The following PCNX2 variants were observed in gnomAD, a reference collection of about 807,000 sequenced individuals.
PCNX2 encodes the protein pecanex-like protein 2.
A neutral mutation model predicts 223.8 loss-of-function variants in PCNX2; 168 were observed. That is an observed-to-expected ratio of 0.75 (90% CI 0.66 to 0.85). The LOEUF is 0.85. Ranked by LOEUF, PCNX2 falls within the 40% of genes least tolerant of loss-of-function variation. PCNX2 has a pLI of 0.00. For missense variants in PCNX2, 2,507 were observed against 2,675.5 expected, an observed-to-expected ratio of 0.94 and a Z score of 1.39; for synonymous variants, 1,006 against 1,052.6, an observed-to-expected ratio of 0.96 and a Z score of 0.86.
At chr1:232,994,911 G>A (rs1186951323) in intron 32 of PCNX2, among the ~76,000 whole-genome samples, 1 of 152,170 alleles carries the variant, frequency 6.6e-6, no homozygotes. Context: ...AGAACTGTGA[G>A]TCAATTAAAC....
intron 17 of PCNX2, among the ~76,000 whole-genome samples, chr1:233,176,833 G>C (rs186750112): frequency 6.6e-6 from 1 of 152,290 alleles, no homozygotes; most frequent in East Asian, 1.9e-4. Context: ...TTAACACGGT[G>C]AAACCCCGTC....
intron 23 of PCNX2, among the ~76,000 whole-genome samples, chr1:233,078,684 C>T (rs1673210114): frequency 6.6e-6 from 1 of 152,198 alleles, no homozygotes; most frequent in African/African-American, 2.4e-5. Context: ...ACGTTCAACG[C>T]TTCCCTGCAG....
chr1:233,168,232 A>G (rs533157046), intron 17 of PCNX2, among the ~76,000 whole-genome samples: 2 of 152,124 alleles, frequency 1.3e-5, no homozygotes, highest in Admixed American at 6.5e-5. Flanking sequence ...GCAGCACCCT[A>G]GAACATAGAG....
intron 1 of PCNX2, among the ~76,000 whole-genome samples, chr1:233,279,911 C>T (rs1231244704): frequency 1.3e-5 from 2 of 152,196 alleles, no homozygotes; most frequent in East Asian, 1.9e-4. Context: ...TCCAGTCCTA[C>T]TGCCTTCACC....
At chr1:233,297,596 A>T (rs1572224945), upstream of PCNX2, among the ~76,000 whole-genome samples, 1 of 152,288 alleles carries the variant, frequency 6.6e-6, no homozygotes, top group East Asian at 1.9e-4. Context: ...AGGCACATGT[A>T]TATGTGGAAA....
chr1:233,161,232 T>C (rs754340488), intron 18 of PCNX2, 39 bp downstream of exon 18: 3 of 1,550,812 alleles, frequency 1.9e-6, no homozygotes, highest in Non-Finnish European at 2.7e-6. Flanking sequence ...TTAAGGAGAA[T>C]AAGGGGGCAG....
At chr1:233,213,747 G>C (rs1011974181) in intron 12 of PCNX2, among the ~76,000 whole-genome samples, 1 of 149,008 alleles carries the variant, frequency 6.7e-6, no homozygotes, top group African/African-American at 2.5e-5. Context: ...AACATTTACA[G>C]AGGACTTAGT....
At chr1:233,096,855 AC>A (rs1344683542) in intron 21 of PCNX2, among the ~76,000 whole-genome samples, 1 of 152,196 alleles carries the variant, frequency 6.6e-6, no homozygotes, top group African/African-American at 2.4e-5. Context: ...TATTCAAGGA[AC>A]CAAGATAACT....
At chr1:233,209,763 T>C (rs1381019866) in intron 12 of PCNX2, among the ~76,000 whole-genome samples, 1 of 152,224 alleles carries the variant, frequency 6.6e-6, no homozygotes, top group Non-Finnish European at 1.5e-5. Context: ...TCTTATGAAA[T>C]TTCCTTTTGA....
chr1:233,076,233 T>C (rs1372147028), intron 23 of PCNX2, among the ~76,000 whole-genome samples: 1 of 152,172 alleles, frequency 6.6e-6, no homozygotes, highest in Non-Finnish European at 1.5e-5. Flanking sequence ...TTATTTAGAG[T>C]TGTGAGTGAA....
At chr1:233,088,283 CCTAT>C (rs1264858256) in intron 23 of PCNX2, among the ~76,000 whole-genome samples, 8 of 152,230 alleles carry the variant, frequency 5.3e-5, no homozygotes, top group South Asian at 2.1e-4. Flanking sequence ...AGACGGATTC[CCTAT>C]CTGAGAATAG....
At chr1:233,312,696 A>T in the PCNX2 span, among the ~76,000 whole-genome samples, 1 of 152,236 alleles carries the variant, frequency 6.6e-6, no homozygotes, top group Non-Finnish European at 1.5e-5. Flanking sequence ...ATGATGATGT[A>T]AAAATCCAAA....
chr1:233,034,991 C>T (rs180798483), intron 25 of PCNX2, among the ~76,000 whole-genome samples: 92 of 152,228 alleles, frequency 6.0e-4, no homozygotes, highest in Middle Eastern at 3.4e-3. Flanking sequence ...AACAGACCAG[C>T]GATGGGGAAA....
chr1:233,073,852 T>C (rs79933990), intron 23 of PCNX2, among the ~76,000 whole-genome samples: 2,650 of 152,294 alleles, frequency 0.017, 32 homozygotes, highest in East Asian at 0.053. Context: ...ACTTTTGACC[T>C]CGAGTGATCA....
At chr1:233,216,067 G>A (rs145952238) in intron 12 of PCNX2, among the ~76,000 whole-genome samples, 337 of 152,252 alleles carry the variant, frequency 2.2e-3, no homozygotes, top group African/African-American at 7.3e-3. Flanking sequence ...GCACAATAGA[G>A]GGAAAAATCA....
chr1:233,312,438 A>G, the PCNX2 span, among the ~76,000 whole-genome samples: 1 of 152,192 alleles, frequency 6.6e-6, no homozygotes, highest in African/African-American at 2.4e-5. Flanking sequence ...GAGAAAAATG[A>G]TCTGTAGAAG....
chr1:233,196,694 G>T (rs1017248568), intron 15 of PCNX2, among the ~76,000 whole-genome samples: 5 of 152,070 alleles, frequency 3.3e-5, no homozygotes, highest in African/African-American at 1.2e-4. Context: ...AGAAAAACCT[G>T]ACAGTACTAA....
intron 33 of PCNX2, 188 bp downstream of exon 33, chr1:232,985,904 T>C: frequency 1.5e-6 from 1 of 671,548 alleles, no homozygotes; most frequent in East Asian, 2.7e-5. Flanking sequence ...CTGTATCTTG[T>C]CTGCTTTCAA....
At chr1:233,077,471 G>A (rs559963151) in intron 23 of PCNX2, among the ~76,000 whole-genome samples, 1 of 152,214 alleles carries the variant, frequency 6.6e-6, no homozygotes, top group African/African-American at 2.4e-5. Flanking sequence ...CAGTGATAAC[G>A]TTAACTATCA....
Sources: allele counts gnomAD v4.1 joint callset (sites outside exome capture counted in the v4.1 genomes callset), GRCh38; gene constraint gnomAD v4.1.1; transcripts MANE v1.5; gene names NCBI Gene and HGNC (gene_info 2026-07-23, HGNC 2026-07-21).